Variants in VMA21 observed in about 807,000 individuals in gnomAD.
VMA21 encodes vacuolar ATPase assembly integral membrane protein VMA21.
For synonymous variants in VMA21, 47 were observed against 34.1 expected, an observed-to-expected ratio of 1.38 and a Z score of -1.32; for missense variants, 61 against 80.6, an observed-to-expected ratio of 0.76 and a Z score of 0.93.
Position 151,405,223 on chromosome X carries a change from T to C in VMA21, c.*165T>C. 1 of 573,180 alleles carries C rather than the reference T, an allele frequency of 1.7e-6. No individual in the cohort carries two copies. Among genetic ancestry groups the C allele is most frequent in the Admixed American group, 3.7e-5 (1 of 26,857 alleles). The allele number at this position is 573,180 out of a possible 1,213,427, so 47.2% of individuals were successfully genotyped here. A position where few individuals can be genotyped will look rare whatever the true frequency, so the allele number is the denominator to read the frequency against. Reference sequence around the variant, plus strand: ...TCTTTCTAATATGTTGGTTTGTATATTCAGTTTTAACTGTATGAATCTGAT... The same window carrying C: ...TCTTTCTAATATGTTGGTTTGTATACTCAGTTTTAACTGTATGAATCTGAT... On this transcript the variant is annotated 3_prime_UTR_variant, in exon 3 of 3. Transcript: ENST00000330374.
At position 151,409,118 on chromosome X, in the gene VMA21, A is replaced by T. The variant is rs1182830770; in HGVS notation, c.*4060A>T. On this transcript the variant is annotated 3_prime_UTR_variant, in exon 3 of 3. Transcript: ENST00000330374. ...TTAGAATCTTTACATCACTAGAGTCATTGAATATGCTGTAGTATTGAATAG... is the reference window on the plus strand; with the variant it reads ...TTAGAATCTTTACATCACTAGAGTCTTTGAATATGCTGTAGTATTGAATAG... 8.9e-6 allele frequency: 1 copy of T among 112,647 alleles called. No homozygotes were observed. The highest frequency in any genetic ancestry group is 1.9e-5 in the Non-Finnish European group (1 of 53,314). The allele number at this position is 112,647 out of a possible 1,213,427, so 9.3% of individuals were successfully genotyped here.
intron 1 of VMA21, among the ~76,000 whole-genome samples, chrX:151,401,499 T>C (rs1365989680): frequency 8.9e-6 from 1 of 112,211 alleles, no homozygotes; most frequent in African/African-American, 3.2e-5. Flanking sequence ...TGGGGCTTTT[T>C]GTGGTTCTGT....
rs371023386 is a variant in VMA21 at position 151,398,391 on chromosome X, C to A, written c.53+1030C>A. Reference sequence around the variant, plus strand: ...AGACCGCACTGTCTGTTGTTCCTCTCCTAGTGTCCATCTGTTCTTGTTGTT... The same window carrying A: ...AGACCGCACTGTCTGTTGTTCCTCTACTAGTGTCCATCTGTTCTTGTTGTT... On this transcript the variant is annotated intron_variant, in intron 1 of 2. Coordinates refer to ENST00000330374, the MANE Select transcript of VMA21 (RefSeq NM_001017980.4). Among the ~76,000 whole-genome samples the A allele has an allele frequency of 4.4e-5, 4 of 90,654 alleles. No homozygotes were observed. The South Asian group carries it at 1.5e-3, about 33-fold the overall frequency. The allele number at this position is 90,654 out of a possible 115,157, so 78.7% of individuals were successfully genotyped here.
At chrX:151,397,522 A>G (rs2011203345) in intron 1 of VMA21, among the ~76,000 whole-genome samples, 161 bp downstream of exon 1, 3 of 112,631 alleles carry the variant, frequency 2.7e-5, no homozygotes, top group Admixed American at 9.2e-5. Context: ...TGAGACGTCT[A>G]AACTCCCGGC....
At chrX:151,397,070 A>G (rs1207256783), upstream of VMA21, 1 of 464,239 alleles carries the variant, frequency 2.2e-6, no homozygotes, top group Admixed American at 3.2e-5. Context: ...AAGTCATGTG[A>G]GCGCCCGCCC....
rs1275912051 is a variant in VMA21 at position 151,406,749 on chromosome X, ATAATCC to A, written c.*1696_*1701del. Reference sequence around the variant, plus strand: ...TTAAAATTCAAATTTTCTGTTACTGATAATCCTAATACTAGGATTCTTGCTTAAGTA... The same window carrying A: ...TTAAAATTCAAATTTTCTGTTACTGATAATACTAGGATTCTTGCTTAAGTA... On this transcript the variant is annotated 3_prime_UTR_variant, in exon 3 of 3. Coordinates refer to ENST00000330374, the MANE Select transcript of VMA21 (RefSeq NM_001017980.4). 8.9e-6 allele frequency: 1 copy of A among 111,872 alleles called. No individual in the cohort carries two copies. The highest frequency in any genetic ancestry group is 3.2e-5 in the African/African-American group (1 of 30,782). The allele number at this position is 111,872 out of a possible 1,213,427, so 9.2% of individuals were successfully genotyped here. A position where few individuals can be genotyped will look rare whatever the true frequency, so the allele number is the denominator to read the frequency against.
At position 151,404,936 on chromosome X, in the gene VMA21, A is replaced by G; in HGVS notation, c.184A>G (p.Arg62Gly). 1.7e-6 allele frequency: 2 copies of G among 1,210,340 alleles called. No individual in the cohort carries two copies. The highest frequency in any genetic ancestry group is 3.0e-5 in the East Asian group (1 of 33,805). The stretch of plus-strand genomic sequence containing the variant: ...GATAGGCGCCCTTGGGATGTCCAAT[A>G]GGGACAGCTATTTTTACGCTGCTAT... ...IFEGALGMSN[R>G]DSYFYAAIVA... The change falls in exon 3 of 3, where the codon AGG becomes GGG. Residue 62 changes from arginine (R) to glycine (G), a missense_variant. Transcript: ENST00000330374.
chrX:151,397,186 C>A, upstream of VMA21: 2 of 784,962 alleles, frequency 2.5e-6, no homozygotes, highest in South Asian at 6.4e-5. Flanking sequence ...CGCGAACGGG[C>A]ACTTCCGGCG....
Position 151,401,364 on chromosome X carries a change from T to C in VMA21, c.54-2267T>C, listed in dbSNP as rs192123968. ...TGTTTGGATTTATTTCTGGGCTCTATTCTGTTTCATTGTTATATGTTTCTG... is the reference window on the plus strand; with the variant it reads ...TGTTTGGATTTATTTCTGGGCTCTACTCTGTTTCATTGTTATATGTTTCTG... On this transcript the variant is annotated intron_variant, in intron 1 of 2. Coordinates refer to ENST00000330374, the MANE Select transcript of VMA21 (RefSeq NM_001017980.4). Among the ~76,000 whole-genome samples, 315 of 112,057 alleles carry C rather than the reference T, an allele frequency of 2.8e-3. 1 individual carries two copies. The highest frequency in any genetic ancestry group is 4.9e-3 in the Non-Finnish European group (258 of 53,185).
chrX:151,405,274 AGTTACAAAGAAATATGTTAATTT>A lies in VMA21; in HGVS notation c.*217_*239del. On this transcript the variant is annotated 3_prime_UTR_variant, in exon 3 of 3. Coordinates refer to ENST00000330374, the MANE Select transcript of VMA21 (RefSeq NM_001017980.4). ...TTGCAAATGAGAATTTGGAAAAGTTAGTTACAAAGAAATATGTTAATTTAATTAGACAATACTCTGGAAGGAAT... is the reference window on the plus strand; with the variant it reads ...TTGCAAATGAGAATTTGGAAAAGTTAAATTAGACAATACTCTGGAAGGAAT... The A allele has an allele frequency of 1.3e-5, 5 of 392,665 alleles. No homozygotes were observed. Among genetic ancestry groups the A allele is most frequent in the Non-Finnish European group, 1.7e-5 (4 of 230,740 alleles). The allele number at this position is 392,665 out of a possible 1,213,427, so 32.4% of individuals were successfully genotyped here. A position where few individuals can be genotyped will look rare whatever the true frequency, so the allele number is the denominator to read the frequency against.
rs1248387476 is a variant in VMA21, at chrX:151,408,706, A to G, written c.*3648A>G. 2.7e-5 allele frequency: 3 copies of G among 112,765 alleles called. No individual in the cohort carries two copies. The East Asian group carries it at 8.3e-4, about 31-fold the overall frequency. The allele number at this position is 112,765 out of a possible 1,213,427, so 9.3% of individuals were successfully genotyped here. The stretch of plus-strand genomic sequence containing the variant: ...TTCAGGGGGAAAGGGTCACCTTAAA[A>G]ATAAATTATTTTCAGGGACTTTGGG... On this transcript the variant is annotated 3_prime_UTR_variant, in exon 3 of 3. Coordinates refer to ENST00000330374, the MANE Select transcript of VMA21 (RefSeq NM_001017980.4).
chrX:151,404,968 A>G lies in VMA21; in HGVS notation c.216A>G (p.Ala72=). Residue 72 remains alanine (A), a synonymous_variant, in exon 3 of 3, where the codon GCA becomes GCG. Transcript: ENST00000330374. ...GCTATTTTTACGCTGCTATTGTTGCAGTGGTCGCCGTCCATGTGGTGCTGG... is the reference window on the plus strand; with the variant it reads ...GCTATTTTTACGCTGCTATTGTTGCGGTGGTCGCCGTCCATGTGGTGCTGG... ...RDSYFYAAIV[A]VVAVHVVLAL... 8.3e-7 allele frequency: 1 copy of G among 1,210,369 alleles called. No homozygotes were observed. Among genetic ancestry groups the G allele is most frequent in the Non-Finnish European group, 1.1e-6 (1 of 895,163 alleles).
In VMA21 at chrX:151,407,319, G is replaced by A. The variant is rs1242845012; in HGVS notation, c.*2261G>A. ...GATATTTAGGCTTATAACAAAATAG[G>A]CTTGTTTTCAAAGCAGTTTTTTCCT... On this transcript the variant is annotated 3_prime_UTR_variant, in exon 3 of 3. Transcript: ENST00000330374. 8.9e-6 allele frequency: 1 copy of A among 112,989 alleles called. No homozygotes were observed. Among genetic ancestry groups the A allele is most frequent in the East Asian group, 2.8e-4 (1 of 3,630 alleles). The allele number at this position is 112,989 out of a possible 1,213,427, so 9.3% of individuals were successfully genotyped here. A position where few individuals can be genotyped will look rare whatever the true frequency, so the allele number is the denominator to read the frequency against.
chrX:151,405,809 T>C lies in VMA21; in HGVS notation c.*751T>C, dbSNP rs1226156145. 8.9e-6 allele frequency: 1 copy of C among 112,203 alleles called. No homozygotes were observed. Among genetic ancestry groups the C allele is most frequent in the East Asian group, 2.8e-4 (1 of 3,600 alleles). 9.2% of individuals were successfully genotyped at this position (112,203 alleles called of 1,213,427 possible). ...CCTCATTCAACATTGAAGCTAGGCTTCAATTAAAAGGTTCGAGGAAGCTCC... is the reference window on the plus strand; with the variant it reads ...CCTCATTCAACATTGAAGCTAGGCTCCAATTAAAAGGTTCGAGGAAGCTCC... On this transcript the variant is annotated 3_prime_UTR_variant, in exon 3 of 3. Coordinates refer to ENST00000330374, the MANE Select transcript of VMA21 (RefSeq NM_001017980.4).
At chrX:151,397,562 C>T (rs1412852025) in intron 1 of VMA21, among the ~76,000 whole-genome samples, 1 of 112,600 alleles carries the variant, frequency 8.9e-6, no homozygotes, top group Admixed American at 9.3e-5. Flanking sequence ...ACAAGGGATC[C>T]GGGGTCATGG....
chrX:151,408,338 A>C lies in VMA21; in HGVS notation c.*3280A>C, dbSNP rs1186754481. The C allele has an allele frequency of 1.8e-5, 2 of 112,273 alleles. No homozygotes were observed. The highest frequency in any genetic ancestry group is 3.8e-5 in the Non-Finnish European group (2 of 53,287). The allele number at this position is 112,273 out of a possible 1,213,427, so 9.3% of individuals were successfully genotyped here. A position where few individuals can be genotyped will look rare whatever the true frequency, so the allele number is the denominator to read the frequency against. On this transcript the variant is annotated 3_prime_UTR_variant, in exon 3 of 3. Coordinates refer to ENST00000330374, the MANE Select transcript of VMA21 (RefSeq NM_001017980.4). ...CCAAGGAGACCACTAAAATCAGTTA[A>C]ACAAGTAGGGTATATACAAAGAAAG...
chrX:151,397,555 A>G (rs1429045872), intron 1 of VMA21, among the ~76,000 whole-genome samples, 194 bp downstream of exon 1: 3 of 112,616 alleles, frequency 2.7e-5, no homozygotes, highest in Non-Finnish European at 3.8e-5. Flanking sequence ...CTCGGGAACA[A>G]GGGATCCGGG....
Position 151,397,279 on chromosome X carries a change from G to C in VMA21, c.-30G>C. On this transcript the variant is annotated 5_prime_UTR_variant, in exon 1 of 3. Coordinates refer to ENST00000330374, the MANE Select transcript of VMA21 (RefSeq NM_001017980.4). ...CGCGGCCGCCGAGCCCAGCTCCGCC[G>C]CCGAGCGCCTGTGCCGGCACGGCTA... 1 of 1,152,815 alleles carries C rather than the reference G, an allele frequency of 8.7e-7. No homozygotes were observed.
chrX:151,402,985 G>A (rs998683318), intron 1 of VMA21, among the ~76,000 whole-genome samples: 14 of 111,801 alleles, frequency 1.3e-4, no homozygotes, highest in Admixed American at 4.7e-4. Context: ...TCTGGTGTCC[G>A]GTGCTGGTGG....
Sources: allele counts gnomAD v4.1 joint callset (sites outside exome capture counted in the v4.1 genomes callset), GRCh38; gene constraint gnomAD v4.1.1; transcripts MANE v1.5; gene names NCBI Gene and HGNC (gene_info 2026-07-23, HGNC 2026-07-21).